Variants in PLA2G2E observed in about 807,000 individuals in gnomAD.
PLA2G2E encodes phospholipase A2 group IIE, also known as group IIE secretory phospholipase A2.
In PLA2G2E, 14 loss-of-function variants were observed where a neutral mutation model predicts 16.5. The observed-to-expected ratio is 0.85, with a 90% CI of 0.56 to 1.33. The LOEUF (loss-of-function observed/expected upper bound fraction) is 1.33. Ranked by LOEUF, PLA2G2E falls within the 40% of genes most tolerant of loss-of-function variation. The pLI, the probability that PLA2G2E is intolerant of heterozygous loss-of-function variation, is 0.00. For synonymous variants in PLA2G2E, 72 were observed against 77.2 expected (o/e 0.93, Z 0.36); for missense variants, 174 against 190.7 (o/e 0.91, Z 0.52).
intron 3 of PLA2G2E, 34 bp downstream of exon 3, chr1:19,922,264 G>A (rs1162618816): frequency 6.8e-7 from 1 of 1,479,832 alleles, no homozygotes; most frequent in Non-Finnish European, 9.4e-7. Context: ...CCTCACCGCA[G>A]GGTGTCTAGG....
In PLA2G2E at chr1:19,923,545, G is replaced by A. The variant is rs41264125; in HGVS notation, c.15C>T (p.His5=). The A allele has an allele frequency of 5.2e-4, 809 of 1,550,886 alleles. No homozygotes were observed. The highest frequency in any genetic ancestry group is 7.3e-4 in the East Asian group (30 of 40,936). Residue 5 remains histidine, a synonymous_variant, in exon 1 of 4, where the codon CAC becomes CAT. Coordinates refer to ENST00000375116, the MANE Select transcript of PLA2G2E (RefSeq NM_014589.3). MKSP[H]VLVFLCLLVA... Reference sequence around the variant, plus strand: ...CCAGGAGGCAAAGGAACACCAGCACGTGGGGAGATTTCATCCCAGGTTGGG... The same window carrying A: ...CCAGGAGGCAAAGGAACACCAGCACATGGGGAGATTTCATCCCAGGTTGGG...
chr1:19,921,121 C>A (rs1454295265), intron 3 of PLA2G2E, among the ~76,000 whole-genome samples: 2 of 152,220 alleles, frequency 1.3e-5, no homozygotes, highest in Non-Finnish European at 2.9e-5. Context: ...CCTGCAGTGG[C>A]CCTGGCTCCC....
chr1:19,920,447 CGGCTGGATGGG>C lies in PLA2G2E; in HGVS notation c.287-9_288del. ...GTCAGCCGCTGGCAGGTGGTCCTGC[CGGCTGGATGGG>C]ACAAAGTGAGTCAGGGACCACAGAA... On this transcript the variant is annotated splice_acceptor_variant and splice_polypyrimidine_tract_variant and coding_sequence_variant and intron_variant, in exon 4 of 4. Coordinates refer to ENST00000375116, the MANE Select transcript of PLA2G2E (RefSeq NM_014589.3). LOFTEE classifies it high-confidence loss of function. The surrounding 1 kb of genome is among the most constrained non-coding windows in gnomAD (Gnocchi z 4.3). 1 of 1,613,286 alleles carries C rather than the reference CGGCTGGATGGG, an allele frequency of 6.2e-7. No individual in the cohort carries two copies. The highest frequency in any genetic ancestry group is 8.5e-7 in the Non-Finnish European group (1 of 1,179,696).
At chr1:19,923,286 C>A (rs962436898) in intron 1 of PLA2G2E, among the ~76,000 whole-genome samples, 1 of 152,336 alleles carries the variant, frequency 6.6e-6, no homozygotes, top group East Asian at 1.9e-4. Flanking sequence ...ATCCGGGAAG[C>A]GCCAGCCCCT....
chr1:19,922,350 C>T lies in PLA2G2E; in HGVS notation c.234G>A (p.Glu78=), dbSNP rs773902416. The T allele has an allele frequency of 2.6e-5, 42 of 1,613,972 alleles. No individual in the cohort carries two copies. The Middle Eastern group carries it at 8.2e-4, about 32-fold the overall frequency. The change falls in exon 3 of 4, where the codon GAG becomes GAA. Residue 78 remains glutamate, a synonymous_variant. Coordinates refer to ENST00000375116, the MANE Select transcript of PLA2G2E (RefSeq NM_014589.3). ...AGAAAAGATACTTTTCCAGTTTGGGCTCACAGCCCAGCTTCTCCAGACGCC... is the reference window on the plus strand; with the variant it reads ...AGAAAAGATACTTTTCCAGTTTGGGTTCACAGCCCAGCTTCTCCAGACGCC... ...CYGRLEKLGC[E]PKLEKYLFSV... is the part of the protein sequence containing the mutation.
chr1:19,920,744 C>G lies in PLA2G2E; in HGVS notation c.287-295G>C, dbSNP rs566168364. On this transcript the variant is annotated intron_variant, in intron 3 of 3. Transcript: ENST00000375116. The surrounding 1 kb of genome is among the most constrained non-coding windows in gnomAD (Gnocchi z 4.3). ...AGGGACACCACGTGGTTCCCTAACTCTCACTGCCCCCGACCAGGGGGATTT... is the reference window on the plus strand; with the variant it reads ...AGGGACACCACGTGGTTCCCTAACTGTCACTGCCCCCGACCAGGGGGATTT... Among the ~76,000 whole-genome samples the G allele has an allele frequency of 1.7e-3, 255 of 152,280 alleles. 3 individuals carry two copies. The highest frequency in any genetic ancestry group is 5.9e-3 in the African/African-American group (246 of 41,568).
chr1:19,922,260 C>T (rs377586573), intron 3 of PLA2G2E, 38 bp downstream of exon 3: 6 of 1,460,180 alleles, frequency 4.1e-6, no homozygotes, highest in East Asian at 4.5e-5. Flanking sequence ...CCCACCTCAC[C>T]GCAGGGTGTC....
chr1:19,921,664 TC>T (rs2045817304), intron 3 of PLA2G2E, among the ~76,000 whole-genome samples: 2 of 152,236 alleles, frequency 1.3e-5, no homozygotes, highest in Admixed American at 1.3e-4. Flanking sequence ...CGCTGCAGCA[TC>T]CGCCCACCAG....
rs2045809702 is a variant in PLA2G2E at position 19,920,996 on chromosome 1, G to C, written c.287-547C>G. Among the ~76,000 whole-genome samples, 1 of 152,164 alleles carries C rather than the reference G, an allele frequency of 6.6e-6. No individual in the cohort carries two copies. The highest frequency in any genetic ancestry group is 2.1e-4 in the South Asian group (1 of 4,824). On this transcript the variant is annotated intron_variant, in intron 3 of 3. Transcript: ENST00000375116. This position sits in a 1 kb window ranked among gnomAD's most constrained non-coding sequence, Gnocchi z 4.3. ...GAGCCCAGTTTTCTGCCCATACCCA[G>C]CCTGGGAGTCAGACTTCTACCCTGA...
At chr1:19,921,993 T>A (rs1300218448) in intron 3 of PLA2G2E, among the ~76,000 whole-genome samples, 3 of 152,190 alleles carry the variant, frequency 2.0e-5, no homozygotes, top group Non-Finnish European at 4.4e-5. Flanking sequence ...CCAGCTCCTC[T>A]GGGCCCTGGC....
chr1:19,920,756 G>C lies in PLA2G2E; in HGVS notation c.287-307C>G, dbSNP rs1260250410. ...TGGTTCCCTAACTCTCACTGCCCCCGACCAGGGGGATTTCTAGGCAACCCC... is the reference window on the plus strand; with the variant it reads ...TGGTTCCCTAACTCTCACTGCCCCCCACCAGGGGGATTTCTAGGCAACCCC... On this transcript the variant is annotated intron_variant, in intron 3 of 3. Transcript: ENST00000375116. The surrounding 1 kb of genome is among the most constrained non-coding windows in gnomAD (Gnocchi z 4.3). 6.6e-6 allele frequency among the ~76,000 whole-genome samples: 1 copy of C among 152,120 alleles called. No homozygotes were observed. The highest frequency in any genetic ancestry group is 1.5e-5 in the Non-Finnish European group (1 of 68,006).
At chr1:19,923,353 C>T (rs556829720) in intron 1 of PLA2G2E, among the ~76,000 whole-genome samples, 167 bp downstream of exon 1, 80 of 152,362 alleles carry the variant, frequency 5.3e-4, no homozygotes, top group African/African-American at 1.6e-3. Context: ...CTCCAGCCAC[C>T]GCTGGCTCAG....
rs372534405 is a variant in PLA2G2E at position 19,922,416 on chromosome 1, A to G, written c.180-12T>C. 2.5e-6 allele frequency: 4 copies of G among 1,611,454 alleles called. No homozygotes were observed. The highest frequency in any genetic ancestry group is 2.7e-5 in the African/African-American group (2 of 74,972). On this transcript the variant is annotated splice_polypyrimidine_tract_variant and intron_variant, in intron 2 of 3. Coordinates refer to ENST00000375116, the MANE Select transcript of PLA2G2E (RefSeq NM_014589.3). ...GGGCGTGGCAGCACCTGTAAGGGTCATGGTTGACCTGGAGGGACCTGTGAG... is the reference window on the plus strand; with the variant it reads ...GGGCGTGGCAGCACCTGTAAGGGTCGTGGTTGACCTGGAGGGACCTGTGAG...
chr1:19,921,905 C>T (rs1334466628), intron 3 of PLA2G2E, among the ~76,000 whole-genome samples: 1 of 152,226 alleles, frequency 6.6e-6, no homozygotes, highest in African/African-American at 2.4e-5. Context: ...TCTGCTGTCC[C>T]CAGTCAAAGC....
In PLA2G2E at chr1:19,920,324, GC is replaced by G; in HGVS notation, c.411del (p.Thr139ProfsTer59). ...YAHYPNKLCTGPTPPC is the reference protein window; with the variant it reads ...YAHYPNKLCTXPTPPC ...GCATAGCCTCAGCAGGGCGGGGTGG[GC>G]CCGGTGCACAGCTTGTTGGGATAAT... On this transcript the variant is annotated frameshift_variant, in exon 4 of 4. Coordinates refer to ENST00000375116, the MANE Select transcript of PLA2G2E (RefSeq NM_014589.3). LOFTEE classifies it high-confidence loss of function. This position sits in a 1 kb window ranked among gnomAD's most constrained non-coding sequence, Gnocchi z 4.3. The G allele has an allele frequency of 6.2e-7, 1 of 1,612,560 alleles. No individual in the cohort carries two copies. The highest frequency in any genetic ancestry group is 8.5e-7 in the Non-Finnish European group (1 of 1,179,658).
Position 19,920,282 on chromosome 1 carries a change from G to T in PLA2G2E, c.*25C>A. 2 of 1,601,194 alleles carry T rather than the reference G, an allele frequency of 1.2e-6. No homozygotes were observed. The highest frequency in any genetic ancestry group is 1.7e-6 in the Non-Finnish European group (2 of 1,172,358). ...AGCAGCCCGAGGCGGGACCTCCAGG[G>T]ACGGGGGGGAGGCCGAGCATAGCCT... On this transcript the variant is annotated 3_prime_UTR_variant, in exon 4 of 4. Transcript: ENST00000375116. This position sits in a 1 kb window ranked among gnomAD's most constrained non-coding sequence, Gnocchi z 4.3.
At chr1:19,922,876 C>T (rs1370423544) in intron 1 of PLA2G2E, 121 bp from the exon 2 acceptor site, 31 of 1,037,402 alleles carry the variant, frequency 3.0e-5, no homozygotes, top group Non-Finnish European at 4.0e-5. Context: ...GCTCACCTCC[C>T]CAAAGCAACC....
In PLA2G2E at chr1:19,922,261, G is replaced by A. The variant is rs573533715; in HGVS notation, c.286+37C>T. ...TTAAGCTGCCTCCACCCACCTCACC[G>A]CAGGGTGTCTAGGTCACTTCAGGGC... On this transcript the variant is annotated intron_variant, in intron 3 of 3. Coordinates refer to ENST00000375116, the MANE Select transcript of PLA2G2E (RefSeq NM_014589.3). 8.2e-6 allele frequency: 12 copies of A among 1,462,106 alleles called. No homozygotes were observed. In the African/African-American group the frequency reaches 1.4e-4, roughly 17 times the overall value. 90.6% of individuals were successfully genotyped at this position (1,462,106 alleles called of 1,614,324 possible).
rs1367751730 is a variant in PLA2G2E, at chr1:19,920,980, T to G, written c.287-531A>C. On this transcript the variant is annotated intron_variant, in intron 3 of 3. Transcript: ENST00000375116. This position sits in a 1 kb window ranked among gnomAD's most constrained non-coding sequence, Gnocchi z 4.3. ...CTCATCAGAGTGGACAGAGCCCAGT[T>G]TTCTGCCCATACCCAGCCTGGGAGT... Among the ~76,000 whole-genome samples, 1 of 152,142 alleles carries G rather than the reference T, an allele frequency of 6.6e-6. No individual in the cohort carries two copies. Among genetic ancestry groups the G allele is most frequent in the South Asian group, 2.1e-4 (1 of 4,832 alleles).
Sources: allele counts gnomAD v4.1 joint callset (sites outside exome capture counted in the v4.1 genomes callset), GRCh38; gene constraint gnomAD v4.1.1; non-coding constraint Gnocchi (gnomAD v3.1); transcripts MANE v1.5; gene names NCBI Gene and HGNC (gene_info 2026-07-23, HGNC 2026-07-21).